The following HLTF variants were observed in gnomAD, a reference collection of about 807,000 sequenced individuals.
HLTF encodes DNA-dependent ATPase/E3 ubiquitin-protein ligase HLTF.
A neutral mutation model predicts 129.4 loss-of-function variants in HLTF; 127 were observed. The ratio of observed to expected loss-of-function variants is 0.98; its 90% CI spans 0.85 to 1.14. HLTF has a LOEUF of 1.14. Among genes scored for constraint, HLTF ranks in the 50% most tolerant of loss-of-function variants. The pLI is 0.00. For synonymous variants in HLTF, 332 were observed against 388.8 expected, an observed-to-expected ratio of 0.85 and a Z score of 1.72; for missense variants, 1,139 against 1,187.1, an observed-to-expected ratio of 0.96 and a Z score of 0.60.
chr3:149,062,950 G>T, intron 10 of HLTF: 1 of 388,050 alleles, frequency 2.6e-6, no homozygotes. Flanking sequence ...TCTGTAAAAT[G>T]AGAATACTCT....
intron 2 of HLTF, among the ~76,000 whole-genome samples, chr3:149,080,818 A>G (rs762294418): frequency 6.6e-6 from 1 of 152,188 alleles, no homozygotes; most frequent in Non-Finnish European, 1.5e-5. Flanking sequence ...AAAACAGGAC[A>G]TATAAAAAAA....
intron 23 of HLTF, among the ~76,000 whole-genome samples, chr3:149,037,123 TA>T (rs1715705046): frequency 6.6e-6 from 1 of 152,312 alleles, no homozygotes; most frequent in East Asian, 1.9e-4. Context: ...ATAGTAGCCA[TA>T]AAATACTGCA....
chr3:149,048,362 A>C (rs944220772), intron 16 of HLTF, among the ~76,000 whole-genome samples, 199 bp from the exon 17 acceptor site: 1 of 152,208 alleles, frequency 6.6e-6, no homozygotes, highest in African/African-American at 2.4e-5. Context: ...GTTTTGCTCT[A>C]ATTTTTAGCT....
rs1206080864 is a variant in HLTF, at chr3:149,086,444, T to A, written c.-108A>T. The A allele has an allele frequency of 7.5e-7, 1 of 1,339,182 alleles. No individual in the cohort carries two copies. Among genetic ancestry groups the A allele is most frequent in the Non-Finnish European group, 1.0e-6 (1 of 962,798 alleles). The allele number at this position is 1,339,182 out of a possible 1,614,324, so 83.0% of individuals were successfully genotyped here. A position where few individuals can be genotyped will look rare whatever the true frequency, so the allele number is the denominator to read the frequency against. ...CCGCAGCCCTGAAGCCGGGGACAAATTCCGAGCGCCGGATCAGGAGCGCAC... is the reference window on the plus strand; with the variant it reads ...CCGCAGCCCTGAAGCCGGGGACAAAATCCGAGCGCCGGATCAGGAGCGCAC... On this transcript the variant is annotated 5_prime_UTR_variant, in exon 1 of 25. Transcript: ENST00000310053.
At position 149,039,104 on chromosome 3, in the gene HLTF, G is replaced by A; in HGVS notation, c.2741C>T (p.Ala914Val). ...AGACAGATTCAAACCAACTCCACCT[G>A]CTTTTAAGGACAGAAGCATTATAGT... ...SPTIMLLSLK[A>V]GGVGLNLSAA... The change falls in exon 23 of 25, where the codon GCA becomes GTA. Residue 914 changes from alanine (A) to valine (V), a missense_variant. Ala to Val is a moderately conservative substitution (Grantham distance 64). Transcript: ENST00000310053. 1.2e-6 allele frequency: 2 copies of A among 1,610,672 alleles called. No individual in the cohort carries two copies. Among genetic ancestry groups the A allele is most frequent in the Non-Finnish European group, 8.5e-7 (1 of 1,178,600 alleles).
intron 14 of HLTF, among the ~76,000 whole-genome samples, chr3:149,051,537 G>A (rs923562459): frequency 1.2e-4 from 19 of 152,158 alleles, no homozygotes; most frequent in Non-Finnish European, 2.4e-4. Flanking sequence ...TTTTTATTGG[G>A]AGAAAACACA....
chr3:149,034,897 A>C lies in HLTF; in HGVS notation c.2877+21T>G, dbSNP rs183479190. 4.4e-5 allele frequency: 68 copies of C among 1,530,764 alleles called. No individual in the cohort carries two copies. In the East Asian group the frequency reaches 1.1e-3, roughly 26 times the overall value. The allele number at this position is 1,530,764 out of a possible 1,614,324, so 94.8% of individuals were successfully genotyped here. ...AAAATCGTATCAACCTAGTCTTAAA[A>C]TAGTTTGTTTAAAAACTCACTTTTG... is the stretch of plus-strand genomic sequence containing the variant. On this transcript the variant is annotated intron_variant, in intron 24 of 24. Transcript: ENST00000310053.
chr3:149,064,719 T>A, intron 9 of HLTF, 72 bp downstream of exon 9: 1 of 978,654 alleles, frequency 1.0e-6, no homozygotes, highest in Admixed American at 1.8e-5. Flanking sequence ...AAAACGCAAA[T>A]CAAATATTGG....
chr3:149,047,987 TTATTTGTAACTAA>T, intron 17 of HLTF, 28 bp downstream of exon 17: 1 of 1,518,260 alleles, frequency 6.6e-7, no homozygotes, highest in Non-Finnish European at 8.9e-7. Flanking sequence ...CTACTAACAG[TTATTTGTAACTAA>T]TATTAATCAC....
chr3:149,031,174 G>GA lies in HLTF; in HGVS notation c.*1045dup, dbSNP rs1039851230. 6.6e-6 allele frequency: 1 copy of GA among 152,076 alleles called. No individual in the cohort carries two copies. Among genetic ancestry groups the GA allele is most frequent in the African/African-American group, 2.4e-5 (1 of 41,306 alleles). The allele number at this position is 152,076 out of a possible 1,614,324, so 9.4% of individuals were successfully genotyped here. ...ACAAAAAAGTAAAAAAAAAAGAAAA[G>GA]AAAAAAGATGACTAATTCTACAGAT... On this transcript the variant is annotated 3_prime_UTR_variant, in exon 25 of 25. Transcript: ENST00000310053.
intron 10 of HLTF, chr3:149,062,981 T>A: frequency 2.2e-6 from 1 of 452,562 alleles, no homozygotes; most frequent in South Asian, 1.6e-5. Context: ...GTCATAGTGA[T>A]CTTGGTAGTT....
In HLTF at chr3:149,063,668, C is replaced by T; in HGVS notation, c.1067-144G>A. ...TCCTTTCATTACTCTATTTTCTCTA[C>T]TTTTTTCCTAATCTAGTATTTCCTC... On this transcript the variant is annotated intron_variant, in intron 9 of 24. Transcript: ENST00000310053. 3.0e-5 allele frequency: 17 copies of T among 572,306 alleles called. No individual in the cohort carries two copies. In the South Asian group the frequency reaches 3.7e-4, roughly 13 times the overall value. The allele number at this position is 572,306 out of a possible 1,614,324, so 35.5% of individuals were successfully genotyped here. A position where few individuals can be genotyped will look rare whatever the true frequency, so the allele number is the denominator to read the frequency against.
At chr3:149,064,702 G>A in intron 9 of HLTF, 89 bp downstream of exon 9, 1 of 843,964 alleles carries the variant, frequency 1.2e-6, no homozygotes, top group Non-Finnish European at 2.0e-6. Flanking sequence ...TACAATATTA[G>A]GCTGAAAAAA....
intron 13 of HLTF, among the ~76,000 whole-genome samples, chr3:149,058,499 A>C (rs555789240): frequency 5.3e-5 from 8 of 152,220 alleles, no homozygotes; most frequent in African/African-American, 1.4e-4. Flanking sequence ...GTCTTTTTCC[A>C]ATTGTTTGGA....
intron 18 of HLTF, among the ~76,000 whole-genome samples, chr3:149,042,956 G>A (rs1219571766): frequency 6.6e-6 from 1 of 151,960 alleles, no homozygotes; most frequent in Non-Finnish European, 1.5e-5. Context: ...TCAAATATAA[G>A]TAATAATCAG....
Position 149,086,493 on chromosome 3 carries a change from G to A in HLTF, c.-157C>T. On this transcript the variant is annotated 5_prime_UTR_variant, in exon 1 of 25. Coordinates refer to ENST00000310053, the MANE Select transcript of HLTF (RefSeq NM_003071.4). ...ACGACTGAAAGGTAAGTCGCCGCGA[G>A]TCCAGTCAGACGTCGACGCCGTCTC... 2 of 753,262 alleles carry A rather than the reference G, an allele frequency of 2.7e-6. No individual in the cohort carries two copies. The highest frequency in any genetic ancestry group is 2.2e-6 in the Non-Finnish European group (1 of 458,486). The allele number at this position is 753,262 out of a possible 1,614,324, so 46.7% of individuals were successfully genotyped here.
intron 2 of HLTF, among the ~76,000 whole-genome samples, chr3:149,081,982 A>G (rs1413503405): frequency 6.6e-6 from 1 of 152,210 alleles, no homozygotes; most frequent in African/African-American, 2.4e-5. Context: ...GCACAATTCT[A>G]TGGGAATAAG....
chr3:149,041,731 C>G, intron 19 of HLTF, 63 bp from the exon 20 acceptor site: 1 of 1,190,096 alleles, frequency 8.4e-7, no homozygotes, highest in Non-Finnish European at 1.2e-6. Flanking sequence ...GTTAATCTAT[C>G]TTATAAGGAA....
At chr3:149,048,206 T>C in intron 16 of HLTF, 43 bp from the exon 17 acceptor site, 1 of 1,536,488 alleles carries the variant, frequency 6.5e-7, no homozygotes, top group Non-Finnish European at 8.8e-7. Flanking sequence ...AACCAGAGTA[T>C]CCAGTAAGAG....
Sources: allele counts gnomAD v4.1 joint callset (sites outside exome capture counted in the v4.1 genomes callset), GRCh38; gene constraint gnomAD v4.1.1; transcripts MANE v1.5; gene names NCBI Gene and HGNC (gene_info 2026-07-23, HGNC 2026-07-21).